VAV3: variants seen among roughly 807,000 people sequenced by gnomAD.
VAV3 encodes guanine nucleotide exchange factor VAV3.
Under a neutral mutation model 131.2 loss-of-function variants are expected in VAV3, and 94 were observed. That is an observed-to-expected ratio of 0.72 (90% CI 0.61 to 0.85). VAV3 has a LOEUF of 0.85. Among genes scored for constraint, VAV3 ranks in the 40% least tolerant of loss-of-function variants. VAV3 has a pLI of 0.00. For missense variants in VAV3, 939 were observed against 1,002.7 expected (o/e 0.94, Z 0.86); for synonymous variants, 349 against 342.0 (o/e 1.02, Z -0.22).
chr1:107,737,118 T>G (rs1195908175), intron 15 of VAV3, among the ~76,000 whole-genome samples: 3 of 152,192 alleles, frequency 2.0e-5, no homozygotes, highest in Non-Finnish European at 4.4e-5. Context: ...GATTCCCTAT[T>G]TAATAAATGG....
chr1:107,907,648 C>T (rs912116816), intron 1 of VAV3, among the ~76,000 whole-genome samples: 22 of 151,924 alleles, frequency 1.4e-4, no homozygotes, highest in African/African-American at 5.3e-4. Flanking sequence ...CTCTTGCTCT[C>T]GTGTGCGTGC....
chr1:107,854,347 G>A (rs1459110418), intron 2 of VAV3, among the ~76,000 whole-genome samples: 4 of 152,046 alleles, frequency 2.6e-5, no homozygotes, highest in Admixed American at 6.6e-5. Flanking sequence ...TAGGTTAACA[G>A]ACATAAGCCG....
intron 1 of VAV3, among the ~76,000 whole-genome samples, chr1:107,907,499 A>G (rs566861952): frequency 1.3e-5 from 2 of 152,288 alleles, no homozygotes; most frequent in South Asian, 4.1e-4. Flanking sequence ...TTAATCCCCA[A>G]TGCAACAGTA....
intron 15 of VAV3, 104 bp downstream of exon 15, chr1:107,748,864 A>C: frequency 1.1e-6 from 1 of 885,870 alleles, no homozygotes; most frequent in Non-Finnish European, 1.7e-6. Flanking sequence ...CGCTGTACAC[A>C]TTATACATGC....
intron 1 of VAV3, among the ~76,000 whole-genome samples, chr1:107,950,900 C>T (rs896809301): frequency 5.9e-5 from 9 of 152,156 alleles, no homozygotes; most frequent in African/African-American, 2.2e-4. Flanking sequence ...GGAGAGAGAG[C>T]AAGCCTCTTT....
intron 2 of VAV3, among the ~76,000 whole-genome samples, chr1:107,817,469 C>G (rs1667607998): frequency 6.6e-6 from 1 of 152,102 alleles, no homozygotes; most frequent in African/African-American, 2.4e-5. Flanking sequence ...AAAAAATCTT[C>G]CAGGCTATGT....
chr1:107,634,060 A>G (rs1383461647), intron 20 of VAV3, among the ~76,000 whole-genome samples: 1 of 152,218 alleles, frequency 6.6e-6, no homozygotes, highest in Non-Finnish European at 1.5e-5. Flanking sequence ...GGTAATTTAT[A>G]GATTCAATGC....
chr1:107,720,123 T>C (rs772238521), intron 15 of VAV3, among the ~76,000 whole-genome samples: 1 of 152,060 alleles, frequency 6.6e-6, no homozygotes, highest in Non-Finnish European at 1.5e-5. Flanking sequence ...GATGAGTTAA[T>C]AGGTGCAGCA....
At chr1:107,839,390 T>C (rs2100916677) in intron 2 of VAV3, among the ~76,000 whole-genome samples, 1 of 152,100 alleles carries the variant, frequency 6.6e-6, no homozygotes, top group East Asian at 1.9e-4. Context: ...AGCTAGAAAA[T>C]GTCTAGATAT....
chr1:107,945,920 C>A, intron 1 of VAV3, among the ~76,000 whole-genome samples: 1 of 147,924 alleles, frequency 6.8e-6, no homozygotes, highest in Admixed American at 6.7e-5. Flanking sequence ...AACCAAGAAA[C>A]AAAAGAAAAT....
intron 15 of VAV3, among the ~76,000 whole-genome samples, chr1:107,705,596 T>C (rs1660393975): frequency 6.6e-6 from 1 of 151,272 alleles, no homozygotes. Flanking sequence ...ACTCACAATC[T>C]AAGTAATAAT....
chr1:107,790,919 C>T (rs925759250), intron 2 of VAV3, among the ~76,000 whole-genome samples: 2 of 152,012 alleles, frequency 1.3e-5, no homozygotes, highest in African/African-American at 4.8e-5. Context: ...AACTCCTGAC[C>T]TCATGATCTG....
At chr1:107,653,413 T>C (rs542751628) in intron 19 of VAV3, among the ~76,000 whole-genome samples, 1 of 152,172 alleles carries the variant, frequency 6.6e-6, no homozygotes, top group South Asian at 2.1e-4. Context: ...ATTTATAAAA[T>C]GGTGCTACAA....
At chr1:107,730,620 A>C (rs1457639842) in intron 15 of VAV3, among the ~76,000 whole-genome samples, 1 of 152,240 alleles carries the variant, frequency 6.6e-6, no homozygotes, top group Non-Finnish European at 1.5e-5. Flanking sequence ...TCTTTGAAGC[A>C]AAAATTATCC....
intron 15 of VAV3, among the ~76,000 whole-genome samples, chr1:107,716,039 T>C (rs143530027): frequency 6.6e-5 from 10 of 152,326 alleles, no homozygotes; most frequent in Admixed American, 6.5e-4. Context: ...GCTTTGTTAA[T>C]TTTTCCTCTT....
In VAV3 at chr1:107,731,283, A is replaced by G. The variant is rs144306934; in HGVS notation, c.1502+17685T>C. ...TTTCTTTGTGAGGACAACAGCATCT[A>G]GCATTCATTGTACCCTGCCTATAAT... On this transcript the variant is annotated intron_variant, in intron 15 of 26. Transcript: ENST00000370056. Among the ~76,000 whole-genome samples, 853 of 152,368 alleles carry G rather than the reference A, an allele frequency of 5.6e-3. 4 individuals are homozygous for G. The highest frequency in any genetic ancestry group is 0.016 in the African/African-American group (645 of 41,598).
intron 2 of VAV3, among the ~76,000 whole-genome samples, chr1:107,872,784 T>C (rs1197613174): frequency 6.6e-6 from 1 of 152,150 alleles, no homozygotes; most frequent in East Asian, 1.9e-4. Flanking sequence ...CAAATAGATA[T>C]GTGATTTGGG....
chr1:107,636,518 T>C (rs1654941490), intron 20 of VAV3, among the ~76,000 whole-genome samples: 1 of 152,182 alleles, frequency 6.6e-6, no homozygotes, highest in Admixed American at 6.5e-5. Context: ...CTGAACATCA[T>C]AGCTTAGCCT....
In VAV3 at chr1:107,855,560, G is replaced by A. The variant is rs891967020; in HGVS notation, c.321+19341C>T. On this transcript the variant is annotated intron_variant, in intron 2 of 26. Transcript: ENST00000370056. ...CCCAAAGTGCTAAGATTACAGGTGT[G>A]AGCCACCCCACCAGGCCTGTTAACT... Among the ~76,000 whole-genome samples, 4 of 152,128 alleles carry A rather than the reference G, an allele frequency of 2.6e-5. No homozygotes were observed. In the South Asian group the frequency reaches 6.2e-4, roughly 24 times the overall value.
Sources: allele counts gnomAD v4.1 joint callset (sites outside exome capture counted in the v4.1 genomes callset), GRCh38; gene constraint gnomAD v4.1.1; transcripts MANE v1.5; gene names NCBI Gene and HGNC (gene_info 2026-07-23, HGNC 2026-07-21).